The following EYS variants were observed in gnomAD, a reference collection of about 807,000 sequenced individuals.
EYS encodes the protein protein eyes shut homolog.
Under a neutral mutation model 282.1 loss-of-function variants are expected in EYS, and 250 were observed. That is an observed-to-expected ratio of 0.89 (90% CI 0.80 to 0.98). The LOEUF (loss-of-function observed/expected upper bound fraction) is 0.98, where lower values mean the gene tolerates loss of function less well. Ranked by LOEUF, EYS falls within the 50% of genes least tolerant of loss-of-function variation. The pLI is 0.00. For synonymous variants in EYS, 1,355 were observed against 1,282.9 expected, an observed-to-expected ratio of 1.06 and a Z score of -1.20; for missense variants, 4,016 against 3,709.0, an observed-to-expected ratio of 1.08 and a Z score of -2.15.
chr6:65,351,601 T>C (rs981606608), intron 9 of EYS, among the ~76,000 whole-genome samples: 3 of 151,820 alleles, frequency 2.0e-5, no homozygotes, highest in Non-Finnish European at 3.0e-5. Flanking sequence ...TAGCAATTTA[T>C]AGTTCTCAAA....
At chr6:64,429,339 A>T (rs1639191229) in intron 28 of EYS, among the ~76,000 whole-genome samples, 1 of 152,216 alleles carries the variant, frequency 6.6e-6, no homozygotes, top group African/African-American at 2.4e-5. Context: ...AAATTGAATT[A>T]AAAATTACAG....
chr6:65,301,819 T>C (rs1251536117), intron 11 of EYS, among the ~76,000 whole-genome samples: 3 of 152,180 alleles, frequency 2.0e-5, no homozygotes, highest in Non-Finnish European at 4.4e-5. Context: ...GGAAGGCCTA[T>C]ACTGTTGACA....
chr6:65,627,133 C>G (rs997630835), intron 2 of EYS, among the ~76,000 whole-genome samples: 10 of 151,990 alleles, frequency 6.6e-5, no homozygotes, highest in Non-Finnish European at 1.0e-4. Flanking sequence ...ATAAAATGCA[C>G]AGTATTTACT....
At chr6:64,535,849 T>G (rs992667341) in intron 26 of EYS, among the ~76,000 whole-genome samples, 1 of 152,046 alleles carries the variant, frequency 6.6e-6, no homozygotes, top group Non-Finnish European at 1.5e-5. Flanking sequence ...TAGTTAACCA[T>G]TTTTTTGTCA....
At chr6:64,488,830 T>A (rs1776650844) in intron 26 of EYS, among the ~76,000 whole-genome samples, 1 of 150,992 alleles carries the variant, frequency 6.6e-6, no homozygotes, top group Non-Finnish European at 1.5e-5. Context: ...ATTCAACCTT[T>A]CTGTGCTTCT....
chr6:64,901,807 A>G (rs1347241893), intron 18 of EYS, among the ~76,000 whole-genome samples: 3 of 152,048 alleles, frequency 2.0e-5, no homozygotes, highest in Admixed American at 6.6e-5. Flanking sequence ...ACAAAATATT[A>G]TGTTCAACAA....
intron 15 of EYS, among the ~76,000 whole-genome samples, chr6:64,942,324 A>G (rs1248123030): frequency 1.4e-5 from 2 of 145,334 alleles, no homozygotes; most frequent in Non-Finnish European, 3.0e-5. Flanking sequence ...CAGAAACATA[A>G]GAGCAAACTA....
chr6:65,186,393 T>C (rs1214807979), intron 12 of EYS, among the ~76,000 whole-genome samples: 1 of 151,772 alleles, frequency 6.6e-6, no homozygotes, highest in Non-Finnish European at 1.5e-5. Context: ...AGAGGTCTAG[T>C]GCAATGGTAA....
chr6:64,896,855 G>A (rs943578613), intron 18 of EYS, among the ~76,000 whole-genome samples: 9 of 152,094 alleles, frequency 5.9e-5, no homozygotes, highest in African/African-American at 1.9e-4. Flanking sequence ...CTGGTGGAGG[G>A]GGGGGCCACC....
intron 30 of EYS, among the ~76,000 whole-genome samples, chr6:64,275,915 A>G (rs1768101497): frequency 6.6e-6 from 1 of 151,730 alleles, no homozygotes; most frequent in Non-Finnish European, 1.5e-5. Flanking sequence ...CAGTGAGCTG[A>G]GATCGCACCT....
chr6:64,640,279 T>C (rs1768085659), intron 22 of EYS, among the ~76,000 whole-genome samples: 1 of 148,514 alleles, frequency 6.7e-6, no homozygotes, highest in Non-Finnish European at 1.5e-5. Flanking sequence ...TGTATGTTTA[T>C]TGCGGCACTA....
chr6:65,589,484 G>T (rs374332682), intron 2 of EYS, among the ~76,000 whole-genome samples: 1 of 151,786 alleles, frequency 6.6e-6, no homozygotes, highest in African/African-American at 2.4e-5. Context: ...ACACACACTT[G>T]TACACACACT....
chr6:64,470,517 A>C (rs573787137), intron 26 of EYS, among the ~76,000 whole-genome samples: 100 of 152,288 alleles, frequency 6.6e-4, no homozygotes, highest in African/African-American at 2.2e-3. Context: ...GGGGTGTCCA[A>C]TCTTTTGCCC....
intron 26 of EYS, among the ~76,000 whole-genome samples, chr6:64,521,581 T>C (rs1039588809): frequency 6.6e-6 from 1 of 151,694 alleles, no homozygotes; most frequent in African/African-American, 2.4e-5. Flanking sequence ...CCTTCCAAAC[T>C]GCACAAGTGC....
At chr6:64,078,930 A>G (rs899970010) in intron 32 of EYS, among the ~76,000 whole-genome samples, 2 of 152,110 alleles carry the variant, frequency 1.3e-5, no homozygotes, top group African/African-American at 2.4e-5. Flanking sequence ...GCGTGAACCC[A>G]GAGCAGGATA....
At chr6:64,751,113 G>T (rs1772733221) in intron 22 of EYS, among the ~76,000 whole-genome samples, 1 of 151,290 alleles carries the variant, frequency 6.6e-6, no homozygotes. Flanking sequence ...TGCCAACCTG[G>T]ATTAGGAGCT....
chr6:64,462,512 T>C (rs9451670), intron 26 of EYS, among the ~76,000 whole-genome samples: 3,248 of 152,138 alleles, frequency 0.021, 58 homozygotes, highest in African/African-American at 0.053. Context: ...TGAAAACATC[T>C]AACTAGTGGA....
intron 28 of EYS, among the ~76,000 whole-genome samples, chr6:64,389,863 G>C (rs58425945): frequency 6.6e-6 from 1 of 152,090 alleles, no homozygotes; most frequent in Admixed American, 6.5e-5. Context: ...CTGAGGTACC[G>C]GGTTCATCTC....
chr6:64,638,026 A>C (rs1768033227), intron 22 of EYS, among the ~76,000 whole-genome samples: 1 of 91,370 alleles, frequency 1.1e-5, no homozygotes, highest in Non-Finnish European at 2.4e-5. Flanking sequence ...GACCAAACCC[A>C]ACACAATTCA....
Sources: gnomAD v4.1 joint callset for allele counts (sites outside exome capture counted in the v4.1 genomes callset) on GRCh38, gnomAD v4.1.1 for gene constraint, MANE v1.5 for transcripts, NCBI Gene and HGNC (gene_info 2026-07-23, HGNC 2026-07-21) for gene names.